ZMYND8: variants seen among roughly 807,000 people sequenced by gnomAD.
ZMYND8 encodes zinc finger MYND-type containing 8.
Under a neutral mutation model 140.8 loss-of-function variants are expected in ZMYND8, and 37 were observed. That is an observed-to-expected ratio of 0.26 (90% confidence interval 0.20 to 0.35). The LOEUF is 0.35. ZMYND8 is among the 10% of genes least tolerant of loss of function. ZMYND8 has a pLI of 1.00. For missense variants in ZMYND8, 1,068 were observed against 1,570.0 expected, an observed-to-expected ratio of 0.68 and a Z score of 5.40; for synonymous variants, 592 against 597.1, an observed-to-expected ratio of 0.99 and a Z score of 0.12.
chr20:47,350,337 A>AC (rs1031807961), intron 1 of ZMYND8, among the ~76,000 whole-genome samples: 2 of 151,168 alleles, frequency 1.3e-5, no homozygotes, highest in African/African-American at 4.8e-5. Flanking sequence ...AGAAAAAAAA[A>AC]AAAAAAAAAA....
intron 21 of ZMYND8, among the ~76,000 whole-genome samples, chr20:47,215,215 T>G (rs1301312138): frequency 6.6e-6 from 1 of 151,944 alleles, no homozygotes; most frequent in Admixed American, 6.6e-5. Context: ...TCTAATAAAA[T>G]ACAAAAAATT....
chr20:47,252,123 G>A lies in ZMYND8; in HGVS notation c.1622-2684C>T, dbSNP rs1350817094. 6.6e-5 allele frequency among the ~76,000 whole-genome samples: 10 copies of A among 151,794 alleles called. No individual in the cohort carries two copies. The South Asian group carries it at 1.0e-3, about 16-fold the overall frequency. On this transcript the variant is annotated intron_variant, in intron 12 of 22. Coordinates refer to ENST00000471951, the MANE Select transcript of ZMYND8 (RefSeq NM_001281775.3). ...CGCCTGGCTAACATGGTGAAATCCC[G>A]TCTCTACTAAAAATAAAAAAATTAG...
intron 12 of ZMYND8, among the ~76,000 whole-genome samples, chr20:47,260,939 C>T (rs2075108388): frequency 6.6e-6 from 1 of 152,168 alleles, no homozygotes. Flanking sequence ...GAATCAACAG[C>T]AGCCGGGCAC....
At chr20:47,249,172 T>TAAAGCAGCTGCTA in intron 13 of ZMYND8, 115 bp downstream of exon 13, 2 of 1,281,202 alleles carry the variant, frequency 1.6e-6, no homozygotes, top group Non-Finnish European at 2.1e-6. Context: ...AGTTGAAAGT[T>TAAAGCAGCTGCTA]AAAGCAGCTG....
At chr20:47,249,022 C>T (rs867382328) in intron 13 of ZMYND8, among the ~76,000 whole-genome samples, 4 of 152,144 alleles carry the variant, frequency 2.6e-5, no homozygotes, top group Admixed American at 6.6e-5. Context: ...TGCTTGCAAA[C>T]CTTGATGATT....
chr20:47,327,533 G>C (rs1438739834), intron 2 of ZMYND8, among the ~76,000 whole-genome samples: 1 of 151,956 alleles, frequency 6.6e-6, no homozygotes, highest in Non-Finnish European at 1.5e-5. Flanking sequence ...GCACACACCT[G>C]TAGTTCCAGC....
chr20:47,347,055 CA>C lies in ZMYND8; in HGVS notation c.85+800del, dbSNP rs763676464. On this transcript the variant is annotated intron_variant, in intron 2 of 22. Transcript: ENST00000471951. ...CCTCTTCCTCCCTCCCCATAACCCC[CA>C]GTGCAAGGCTGTGTGTTCCAAGAAA... 2.0e-5 allele frequency among the ~76,000 whole-genome samples: 3 copies of C among 152,334 alleles called. No individual in the cohort carries two copies. The East Asian group carries it at 5.8e-4, about 29-fold the overall frequency.
At chr20:47,355,578 A>T (rs1024270657) in intron 1 of ZMYND8, 2 of 763,792 alleles carry the variant, frequency 2.6e-6, no homozygotes, top group African/African-American at 3.8e-5. Flanking sequence ...AAACACACAC[A>T]ACAACAACAA....
chr20:47,355,471 G>A (rs989542215), intron 1 of ZMYND8: 21 of 985,258 alleles, frequency 2.1e-5, no homozygotes, highest in African/African-American at 7.0e-5. Flanking sequence ...TCAAGCAACC[G>A]TCTCATTTTT....
At chr20:47,321,482 A>T (rs2079947097) in intron 2 of ZMYND8, among the ~76,000 whole-genome samples, 1 of 152,240 alleles carries the variant, frequency 6.6e-6, no homozygotes, top group Admixed American at 6.5e-5. Context: ...GATCAGGCCC[A>T]AAGTCCACAG....
chr20:47,217,274 C>T (rs941091040), intron 21 of ZMYND8, among the ~76,000 whole-genome samples: 10 of 152,180 alleles, frequency 6.6e-5, no homozygotes, highest in African/African-American at 2.4e-4. Context: ...ATTACTCAGC[C>T]ATTTTTGAGT....
chr20:47,345,990 C>T (rs144191167), intron 2 of ZMYND8, among the ~76,000 whole-genome samples: 2 of 152,224 alleles, frequency 1.3e-5, no homozygotes, highest in African/African-American at 4.8e-5. Context: ...ATTCTGGCTG[C>T]TGAAGGGTGA....
At chr20:47,304,602 G>T (rs976645508) in intron 3 of ZMYND8, among the ~76,000 whole-genome samples, 2 of 152,226 alleles carry the variant, frequency 1.3e-5, no homozygotes, top group African/African-American at 4.8e-5. Flanking sequence ...ATAGACTCCA[G>T]TTCCTACAGA....
chr20:47,253,548 A>C (rs973102688), intron 12 of ZMYND8, among the ~76,000 whole-genome samples: 2 of 152,030 alleles, frequency 1.3e-5, no homozygotes, highest in African/African-American at 4.8e-5. Context: ...AAAAAAAAAA[A>C]AAAAAACCAC....
intron 3 of ZMYND8, among the ~76,000 whole-genome samples, chr20:47,305,116 C>G (rs751342137): frequency 7.9e-5 from 12 of 152,036 alleles, no homozygotes; most frequent in Non-Finnish European, 1.8e-4. Flanking sequence ...TGTTGGGGAA[C>G]AGCTGTAGAC....
intron 18 of ZMYND8, among the ~76,000 whole-genome samples, chr20:47,225,290 G>A (rs1326635842): frequency 6.6e-6 from 1 of 152,120 alleles, no homozygotes; most frequent in Non-Finnish European, 1.5e-5. Flanking sequence ...GCCAAGTGCA[G>A]TGGCTCATGC....
At chr20:47,237,970 T>A (rs999636662) in intron 15 of ZMYND8, 2 of 152,268 alleles carry the variant, frequency 1.3e-5, no homozygotes, top group African/African-American at 4.8e-5. Flanking sequence ...GGCTGGCTCA[T>A]CTTGTGTGTG....
intron 5 of ZMYND8, among the ~76,000 whole-genome samples, chr20:47,292,779 C>T (rs1191996499): frequency 6.6e-6 from 1 of 151,962 alleles, no homozygotes; most frequent in African/African-American, 2.4e-5. Flanking sequence ...GGGCCAGGCG[C>T]CGTGACTCAT....
At position 47,218,303 on chromosome 20, in the gene ZMYND8, G is replaced by A. The variant is rs74615915; in HGVS notation, c.3484+1955C>T. ...TCTTCTCAGATGCCATTTCAATCAA[G>A]CCACTTTGAGGCTCCAAAACCCTAA... On this transcript the variant is annotated intron_variant, in intron 21 of 22. Coordinates refer to ENST00000471951, the MANE Select transcript of ZMYND8 (RefSeq NM_001281775.3). Among the ~76,000 whole-genome samples the A allele has an allele frequency of 9.9e-3, 1,506 of 152,186 alleles. 34 individuals are homozygous for A. Among genetic ancestry groups the A allele is most frequent in the African/African-American group, 0.035 (1,434 of 41,502 alleles).
Sources: allele counts gnomAD v4.1 joint callset (sites outside exome capture counted in the v4.1 genomes callset), GRCh38; gene constraint gnomAD v4.1.1; transcripts MANE v1.5; gene names NCBI Gene and HGNC (gene_info 2026-07-23, HGNC 2026-07-21).